AUTS2: variants seen among roughly 807,000 people sequenced by gnomAD.
AUTS2 encodes the protein autism susceptibility gene 2 protein.
A neutral mutation model predicts 112.4 loss-of-function variants in AUTS2; 17 were observed. The observed-to-expected ratio is 0.15, with a 90% CI of 0.10 to 0.23. The LOEUF is 0.23. Among genes scored for constraint, AUTS2 ranks in the 10% least tolerant of loss-of-function variants. The pLI, the probability that AUTS2 is intolerant of heterozygous loss-of-function variation, is 1.00. For synonymous variants in AUTS2, 751 were observed against 702.7 expected (o/e 1.07, Z -1.09); for missense variants, 1,510 against 1,701.6 (o/e 0.89, Z 1.98).
At chr7:70,698,682 C>G (rs1809273933) in intron 6 of AUTS2, 62 bp downstream of exon 6, 1 of 1,275,952 alleles carries the variant, frequency 7.8e-7, no homozygotes, top group South Asian at 1.4e-5. Flanking sequence ...TTGTCATTGC[C>G]TAGGAAGAAA....
At chr7:69,709,234 C>T (rs1034557727) in intron 1 of AUTS2, among the ~76,000 whole-genome samples, 4 of 152,194 alleles carry the variant, frequency 2.6e-5, no homozygotes, top group African/African-American at 4.8e-5. Flanking sequence ...TTAATCTTTG[C>T]GAAACCAGGC....
intron 4 of AUTS2, among the ~76,000 whole-genome samples, chr7:70,245,351 A>C (rs774875291): frequency 6.6e-6 from 1 of 151,990 alleles, no homozygotes; most frequent in Non-Finnish European, 1.5e-5. Flanking sequence ...TTAAAGACCC[A>C]TGATGGAAAC....
chr7:70,676,635 G>C (rs1049785449), intron 5 of AUTS2, among the ~76,000 whole-genome samples: 1 of 151,946 alleles, frequency 6.6e-6, no homozygotes, highest in Non-Finnish European at 1.5e-5. Context: ...CCAGCACTTT[G>C]GGAAGCCAAG....
chr7:69,915,148 C>G (rs1354231038), intron 2 of AUTS2, among the ~76,000 whole-genome samples: 1 of 152,164 alleles, frequency 6.6e-6, no homozygotes, highest in East Asian at 1.9e-4. Flanking sequence ...AAATGCAGTT[C>G]AAAGGGAGAC....
chr7:69,663,328 T>G (rs1165447893), intron 1 of AUTS2: 1 of 152,174 alleles, frequency 6.6e-6, no homozygotes, highest in Non-Finnish European at 1.5e-5. Flanking sequence ...GAGAATTTTT[T>G]TTTTTGGCCT....
Position 70,482,621 on chromosome 7 carries a change from G to A in AUTS2, c.690+46840G>A, listed in dbSNP as rs377744843. Among the ~76,000 whole-genome samples the A allele has an allele frequency of 1.3e-4, 20 of 152,284 alleles. No homozygotes were observed. The East Asian group carries it at 3.1e-3, about 24-fold the overall frequency. ...TATCTGGGATAAGAGGGATTTGGGGGGAGGGCCTCTGCAGGTGTCATGAAG... is the reference window on the plus strand; with the variant it reads ...TATCTGGGATAAGAGGGATTTGGGGAGAGGGCCTCTGCAGGTGTCATGAAG... On this transcript the variant is annotated intron_variant, in intron 5 of 18. Coordinates refer to ENST00000342771, the MANE Select transcript of AUTS2 (RefSeq NM_015570.4).
chr7:69,931,092 C>G (rs1458175019), intron 2 of AUTS2, among the ~76,000 whole-genome samples: 1 of 146,846 alleles, frequency 6.8e-6, no homozygotes, highest in African/African-American at 2.5e-5. Flanking sequence ...AGCCAGAATG[C>G]TCGTACTGCA....
chr7:69,816,400 G>A (rs1332933687), intron 1 of AUTS2, among the ~76,000 whole-genome samples: 1 of 152,154 alleles, frequency 6.6e-6, no homozygotes, highest in Non-Finnish European at 1.5e-5. Context: ...TTTTGTCTAG[G>A]ACGGAGCTGA....
intron 2 of AUTS2, among the ~76,000 whole-genome samples, chr7:70,102,692 T>G: frequency 6.6e-6 from 1 of 152,282 alleles, no homozygotes; most frequent in East Asian, 1.9e-4. Context: ...GACAGCAATT[T>G]CATGGCACCT....
intron 1 of AUTS2, among the ~76,000 whole-genome samples, chr7:69,765,118 A>G (rs1788363337): frequency 6.6e-6 from 1 of 152,186 alleles, no homozygotes; most frequent in South Asian, 2.1e-4. Context: ...TGTTTAGGCC[A>G]GTGTTGGTAG....
chr7:70,699,644 T>A (rs1438961512), intron 6 of AUTS2, among the ~76,000 whole-genome samples: 2 of 152,260 alleles, frequency 1.3e-5, no homozygotes, highest in African/African-American at 4.8e-5. Context: ...TGTATGTGAT[T>A]GCCGTTACTC....
At chr7:69,617,169 A>G (rs2129086555) in intron 1 of AUTS2, among the ~76,000 whole-genome samples, 1 of 152,258 alleles carries the variant, frequency 6.6e-6, no homozygotes, top group South Asian at 2.1e-4. Flanking sequence ...GATTCTTTTC[A>G]TTATAATGTT....
chr7:70,517,632 T>G (rs1799471617), intron 5 of AUTS2, among the ~76,000 whole-genome samples: 1 of 149,504 alleles, frequency 6.7e-6, no homozygotes, highest in African/African-American at 2.4e-5. Flanking sequence ...TATTATTACA[T>G]ATAAATTATA....
At chr7:69,964,929 A>G (rs968233676) in intron 2 of AUTS2, among the ~76,000 whole-genome samples, 2 of 151,882 alleles carry the variant, frequency 1.3e-5, no homozygotes, top group Non-Finnish European at 2.9e-5. Flanking sequence ...AGCTTGCAGT[A>G]CTTGAGTAAT....
At chr7:70,008,254 T>A (rs1799636405) in intron 2 of AUTS2, among the ~76,000 whole-genome samples, 2 of 152,296 alleles carry the variant, frequency 1.3e-5, no homozygotes, top group South Asian at 4.1e-4. Flanking sequence ...AGCCTATGTT[T>A]TCCTTTATTT....
chr7:70,311,778 G>A (rs1400979261), intron 4 of AUTS2, among the ~76,000 whole-genome samples: 3 of 151,970 alleles, frequency 2.0e-5, no homozygotes, highest in South Asian at 2.1e-4. Flanking sequence ...GTGCAGTGGC[G>A]CCATCTCTGC....
intron 1 of AUTS2, among the ~76,000 whole-genome samples, chr7:69,632,581 C>G (rs1376238932): frequency 1.4e-5 from 2 of 148,032 alleles, no homozygotes; most frequent in Non-Finnish European, 3.0e-5. Flanking sequence ...TCCCCTCTCC[C>G]CTCTCCCCTC....
intron 5 of AUTS2, among the ~76,000 whole-genome samples, chr7:70,477,200 T>C (rs1007747417): frequency 6.6e-6 from 1 of 152,210 alleles, no homozygotes; most frequent in Admixed American, 6.5e-5. Flanking sequence ...AATCAGTAGT[T>C]ACTCACCTTT....
chr7:70,337,751 C>T (rs1263416239), intron 4 of AUTS2, among the ~76,000 whole-genome samples: 1 of 152,182 alleles, frequency 6.6e-6, no homozygotes, highest in African/African-American at 2.4e-5. Flanking sequence ...TCTCTGCACA[C>T]ATGTGTGTTC....
Sources: gnomAD v4.1 joint callset for allele counts (sites outside exome capture counted in the v4.1 genomes callset) on GRCh38, gnomAD v4.1.1 for gene constraint, MANE v1.5 for transcripts, NCBI Gene and HGNC (gene_info 2026-07-23, HGNC 2026-07-21) for gene names.